PHF10: variants seen among roughly 807,000 people sequenced by gnomAD.
PHF10 encodes the protein BRG1-associated factor 45a.
In PHF10, 51 loss-of-function variants were observed where a neutral mutation model predicts 68.5. The ratio of observed to expected loss-of-function variants is 0.74; its 90% confidence interval spans 0.59 to 0.94. PHF10 has a LOEUF of 0.94. Ranked by LOEUF, PHF10 falls within the 40% of genes least tolerant of loss-of-function variation. PHF10 has a pLI of 0.00. For synonymous variants in PHF10, 204 were observed against 203.5 expected (o/e 1.00, Z -0.02); for missense variants, 460 against 602.6 (o/e 0.76, Z 2.48).
rs150361706 is a variant in PHF10, at chr6:169,705,608, A to G, written c.1222+8T>C. On this transcript the variant is annotated splice_region_variant and intron_variant, in intron 10 of 11. Transcript: ENST00000339209. ...GTTAAAATTTTAAAAAGACATTTCA[A>G]TACTTACCACTATTCTCACATTGGG... is the stretch of plus-strand genomic sequence containing the variant. The G allele has an allele frequency of 9.4e-6, 12 of 1,280,076 alleles. No homozygotes were observed. The highest frequency in any genetic ancestry group is 2.9e-5 in the African/African-American group (2 of 68,576). 79.3% of individuals were successfully genotyped at this position (1,280,076 alleles called of 1,614,324 possible).
intron 1 of PHF10, among the ~76,000 whole-genome samples, chr6:169,722,949 T>G (rs1789215062): frequency 6.6e-6 from 1 of 152,306 alleles, no homozygotes; most frequent in African/African-American, 2.4e-5. Flanking sequence ...TACAATCTAG[T>G]TACTTCCATT....
At chr6:169,704,833 T>C (rs1158870975) in intron 11 of PHF10, 1 of 255,774 alleles carries the variant, frequency 3.9e-6, no homozygotes, top group African/African-American at 2.2e-5. Context: ...TCTAAATAGA[T>C]AACATATAAA....
intron 1 of PHF10, among the ~76,000 whole-genome samples, chr6:169,722,753 A>G (rs1360932804): frequency 1.3e-5 from 2 of 152,198 alleles, no homozygotes; most frequent in Admixed American, 1.3e-4. Flanking sequence ...CAAACATACT[A>G]AATCAGAGAT....
chr6:169,714,503 C>T (rs1788999144), intron 7 of PHF10, among the ~76,000 whole-genome samples: 1 of 152,186 alleles, frequency 6.6e-6, no homozygotes, highest in African/African-American at 2.4e-5. Flanking sequence ...CTCTAACAAA[C>T]CCAAACAGAA....
In PHF10 at chr6:169,724,368, T is replaced by TCAGCCCCGCCGCTCGCTCGCCA; in HGVS notation, c.-438_-437insTGGCGAGCGAGCGGCGGGGCTG. 1.1e-5 allele frequency among the ~76,000 whole-genome samples: 1 copy of TCAGCCCCGCCGCTCGCTCGCCA among 91,210 alleles called. No individual in the cohort carries two copies. The highest frequency in any genetic ancestry group is 4.2e-5 in the African/African-American group (1 of 23,536). 59.8% of individuals were successfully genotyped at this position (91,210 alleles called of 152,430 possible). On this transcript the variant is annotated 5_prime_UTR_variant, in exon 1 of 12. Coordinates refer to ENST00000339209, the MANE Select transcript of PHF10 (RefSeq NM_018288.4). The stretch of plus-strand genomic sequence containing the variant: ...GCCTCAGCCCCGCCGCTCGCTCGCC[T>TCAGCCCCGCCGCTCGCTCGCCA]CAGCCCCGCGGCCGCCTCAGCCCCG...
At chr6:169,710,474 CAAAG>C in intron 8 of PHF10, 83 bp from the exon 9 acceptor site, 1 of 967,112 alleles carries the variant, frequency 1.0e-6, no homozygotes, top group Non-Finnish European at 1.6e-6. Flanking sequence ...GGAAAATATT[CAAAG>C]AAAGTTTTAA....
At chr6:169,723,774 G>T in intron 1 of PHF10, 71 bp downstream of exon 1, 1 of 454,678 alleles carries the variant, frequency 2.2e-6, no homozygotes, top group South Asian at 9.5e-5. Flanking sequence ...CCGCCGGTGG[G>T]ACTGGGCCCA....
chr6:169,718,558 T>C (rs1789104613), intron 3 of PHF10, among the ~76,000 whole-genome samples: 1 of 152,062 alleles, frequency 6.6e-6, no homozygotes, highest in African/African-American at 2.4e-5. Flanking sequence ...TAGTCCCAGA[T>C]ACTTAGAAGG....
intron 6 of PHF10, among the ~76,000 whole-genome samples, chr6:169,715,234 CTAT>C (rs1410418751): frequency 2.0e-5 from 3 of 152,126 alleles, no homozygotes; most frequent in Non-Finnish European, 4.4e-5. Flanking sequence ...TGATATGTAG[CTAT>C]TATTAGTCTC....
chr6:169,717,873 T>C lies in PHF10; in HGVS notation c.359A>G (p.Lys120Arg). 2 of 1,573,716 alleles carry C rather than the reference T, an allele frequency of 1.3e-6. No homozygotes were observed. The highest frequency in any genetic ancestry group is 2.3e-5 in the East Asian group (1 of 44,414). The change falls in exon 4 of 12, where the codon AAA becomes AGA. Residue 120 changes from lysine to arginine, a missense_variant. Coordinates refer to ENST00000339209, the MANE Select transcript of PHF10 (RefSeq NM_018288.4). ...GACATTTAGCTCTCTCAGGTAGAGTTTCTCCTTGTGAGACAAATCTCGTCG... is the reference window on the plus strand; with the variant it reads ...GACATTTAGCTCTCTCAGGTAGAGTCTCTCCTTGTGAGACAAATCTCGTCG... ...LERRDLSHKE[K>R]LYLRELNVIT...
chr6:169,717,505 T>G (rs570341663), intron 4 of PHF10, among the ~76,000 whole-genome samples: 2 of 152,358 alleles, frequency 1.3e-5, no homozygotes, highest in Admixed American at 6.5e-5. Context: ...GAATATGTCA[T>G]GTGACTTGTT....
chr6:169,715,901 A>T (rs1170569361), intron 5 of PHF10, 44 bp from the exon 6 acceptor site: 8 of 1,597,344 alleles, frequency 5.0e-6, no homozygotes, highest in Non-Finnish European at 6.8e-6. Flanking sequence ...TAACTTTCTA[A>T]AATGTCATTT....
At chr6:169,710,156 C>G in intron 9 of PHF10, 80 bp downstream of exon 9, 1 of 1,075,842 alleles carries the variant, frequency 9.3e-7, no homozygotes. Flanking sequence ...AGAAGCTCCA[C>G]AATCGTGAAA....
intron 7 of PHF10, among the ~76,000 whole-genome samples, chr6:169,713,304 T>C (rs909820876): frequency 1.3e-5 from 2 of 152,154 alleles, no homozygotes; most frequent in African/African-American, 4.8e-5. Flanking sequence ...AAATAAAATT[T>C]TTAAAAATTA....
chr6:169,715,346 G>A lies in PHF10; in HGVS notation c.693+362C>T, dbSNP rs1212429956. On this transcript the variant is annotated intron_variant, in intron 6 of 11. Transcript: ENST00000339209. Reference sequence around the variant, plus strand: ...TTAAAAATAACATCTCAACTTCTGAGGAAAAAAAGAACACGCAGGTGTCAG... The same window carrying A: ...TTAAAAATAACATCTCAACTTCTGAAGAAAAAAAGAACACGCAGGTGTCAG... 2.0e-5 allele frequency among the ~76,000 whole-genome samples: 3 copies of A among 152,050 alleles called. No individual in the cohort carries two copies. In the East Asian group the frequency reaches 5.8e-4, roughly 29 times the overall value.
chr6:169,714,899 A>C, intron 6 of PHF10, 57 bp from the exon 7 acceptor site: 1 of 928,544 alleles, frequency 1.1e-6, no homozygotes, highest in Non-Finnish European at 1.8e-6. Context: ...TCAAGGCTTT[A>C]GGAAGAGTCC....
rs1339482010 is a variant in PHF10 at position 169,710,377 on chromosome 6, G to A, written c.972C>T (p.Gly324=). The A allele has an allele frequency of 6.2e-7, 1 of 1,611,492 alleles. No individual in the cohort carries two copies. Among genetic ancestry groups the A allele is most frequent in the African/African-American group, 1.3e-5 (1 of 74,874 alleles). Residue 324 remains glycine (G), a synonymous_variant, in exon 9 of 12, where the codon GGC becomes GGT. Transcript: ENST00000339209. ...GAGGGCTTTCCCCTTCAGATACATT[G>A]CCAGAGGAGCTGTCCTGGAGTTTAA... ...KNKGTSDSSS[G]NVSEGESPPD...
chr6:169,710,840 A>G (rs970837852), intron 8 of PHF10, among the ~76,000 whole-genome samples: 6 of 138,636 alleles, frequency 4.3e-5, no homozygotes, highest in Admixed American at 1.4e-4. Context: ...TGCAGTTAGG[A>G]AAAAAAAAAA....
At chr6:169,705,377 G>T in intron 10 of PHF10, 56 bp from the exon 11 acceptor site, 1 of 1,242,636 alleles carries the variant, frequency 8.0e-7, no homozygotes, top group Non-Finnish European at 1.1e-6. Flanking sequence ...ACTTAATATG[G>T]CACATAAAAT....
Sources: gnomAD v4.1 joint callset for allele counts (sites outside exome capture counted in the v4.1 genomes callset) on GRCh38, gnomAD v4.1.1 for gene constraint, MANE v1.5 for transcripts, NCBI Gene and HGNC (gene_info 2026-07-23, HGNC 2026-07-21) for gene names.